The following JMJD1C variants were observed in gnomAD, a reference collection of about 807,000 sequenced individuals.
JMJD1C encodes the protein jumonji domain containing 1C, also known as jumonji domain-containing protein 1C.
Under a neutral mutation model 245.3 loss-of-function variants are expected in JMJD1C, and 31 were observed. The ratio of observed to expected loss-of-function variants is 0.13; its 90% CI spans 0.09 to 0.17. The LOEUF is 0.17. Among genes scored for constraint, JMJD1C ranks in the 10% least tolerant of loss-of-function variants. The probability of loss-of-function intolerance (pLI) is 1.00; values close to 1 mark genes in which losing one functional copy is unlikely to be tolerated. For missense variants in JMJD1C, 2,691 were observed against 3,000.2 expected, an observed-to-expected ratio of 0.90 and a Z score of 2.41; for synonymous variants, 1,057 against 1,017.4, an observed-to-expected ratio of 1.04 and a Z score of -0.74.
chr10:63,249,801 A>G (rs1852797783), intron 3 of JMJD1C, among the ~76,000 whole-genome samples: 2 of 152,042 alleles, frequency 1.3e-5, no homozygotes, highest in African/African-American at 4.8e-5. Context: ...CAGAGTTCGC[A>G]CTGGGCCAAG....
At chr10:63,272,395 G>A (rs1856414293) in intron 2 of JMJD1C, among the ~76,000 whole-genome samples, 1 of 152,010 alleles carries the variant, frequency 6.6e-6, no homozygotes, top group Admixed American at 6.6e-5. Context: ...GGGATTACAG[G>A]TGCACGCCAC....
chr10:63,269,125 C>T lies in JMJD1C; in HGVS notation c.334-4361G>A. 3 of 985,436 alleles carry T rather than the reference C, an allele frequency of 3.0e-6. No homozygotes were observed. The South Asian group carries it at 1.4e-4, about 46-fold the overall frequency. The allele number at this position is 985,436 out of a possible 1,614,324, so 61.0% of individuals were successfully genotyped here. ...AAGATACTCCAAATAAAGAGAACAG[C>T]CATCCATCAGCTGGAGAAAGCCTTT... is the stretch of plus-strand genomic sequence containing the variant. On this transcript the variant is annotated intron_variant, in intron 2 of 25. Coordinates refer to ENST00000399262, the MANE Select transcript of JMJD1C (RefSeq NM_032776.3).
chr10:63,204,834 C>G (rs1846409199), intron 10 of JMJD1C: 1 of 985,284 alleles, frequency 1.0e-6, no homozygotes, highest in Non-Finnish European at 1.2e-6. Flanking sequence ...TTTTCCTCTC[C>G]TTCACTTTGC....
intron 1 of JMJD1C, among the ~76,000 whole-genome samples, chr10:63,457,713 T>C (rs1952504144): frequency 6.6e-6 from 1 of 152,178 alleles, no homozygotes; most frequent in South Asian, 2.1e-4. Flanking sequence ...AATTTCGGGT[T>C]TTTACTTTGA....
Position 63,214,315 on chromosome 10 carries a change from G to C in JMJD1C, c.1852C>G (p.Pro618Ala). ...VMEDKLHKRS[P>A]PPETIKSKLN... ...TTAGATTTTATAGTCTCTGGAGGTG[G>C]ACTTCGCTTATGCAGCTTATCTTCC... Residue 618 changes from proline to alanine, a missense_variant, in exon 8 of 26, where the codon CCA becomes GCA. Physicochemically the swap from Pro to Ala is conservative, Grantham distance 27. Around this residue, in one of 9 missense-constraint regions of JMJD1C, gnomAD observed 1,562 missense variants for 1,490.7 expected, o/e 1.05. Transcript: ENST00000399262. 1.2e-6 allele frequency: 2 copies of C among 1,613,928 alleles called. No individual in the cohort carries two copies. The highest frequency in any genetic ancestry group is 2.2e-5 in the East Asian group (1 of 44,868).
intron 2 of JMJD1C, among the ~76,000 whole-genome samples, chr10:63,313,922 C>T (rs901253645): frequency 1.3e-5 from 2 of 152,194 alleles, no homozygotes; most frequent in Non-Finnish European, 2.9e-5. Flanking sequence ...CATGCAGAAG[C>T]TCTTTAAGTC....
intron 3 of JMJD1C, among the ~76,000 whole-genome samples, chr10:63,237,958 C>T (rs532969686): frequency 1.6e-5 from 2 of 121,338 alleles, no homozygotes; most frequent in African/African-American, 6.3e-5. Context: ...ATCACAAGGT[C>T]AAAACTTAGA....
chr10:63,230,091 A>C (rs1449657836), intron 3 of JMJD1C, among the ~76,000 whole-genome samples: 1 of 152,198 alleles, frequency 6.6e-6, no homozygotes, highest in Non-Finnish European at 1.5e-5. Context: ...AATGAAAATA[A>C]GCTGGGTGCA....
At chr10:63,234,408 T>C (rs1850405422) in intron 3 of JMJD1C, among the ~76,000 whole-genome samples, 1 of 147,780 alleles carries the variant, frequency 6.8e-6, no homozygotes. Flanking sequence ...GTGGGAGGAT[T>C]GCTTGAGCAT....
chr10:63,170,528 C>T (rs1589037862), intron 24 of JMJD1C, among the ~76,000 whole-genome samples: 1 of 152,318 alleles, frequency 6.6e-6, no homozygotes, highest in Non-Finnish European at 1.5e-5. Flanking sequence ...ACTGGTCAGC[C>T]AGTTACCTAA....
chr10:63,487,263 G>A (rs1466668942), intron 1 of JMJD1C, among the ~76,000 whole-genome samples: 1 of 152,190 alleles, frequency 6.6e-6, no homozygotes. Context: ...GATTTATAGT[G>A]ACAATGACCT....
intron 2 of JMJD1C, among the ~76,000 whole-genome samples, chr10:63,275,186 C>T (rs754729096): frequency 6.6e-6 from 1 of 152,186 alleles, no homozygotes; most frequent in Non-Finnish European, 1.5e-5. Context: ...AGGACCAGAA[C>T]TTGGATTTCC....
chr10:63,437,533 T>C (rs1344957468), intron 1 of JMJD1C, among the ~76,000 whole-genome samples: 1 of 152,210 alleles, frequency 6.6e-6, no homozygotes, highest in East Asian at 1.9e-4. Flanking sequence ...CTTAGTTGCA[T>C]CATCAACTTA....
intron 2 of JMJD1C, among the ~76,000 whole-genome samples, chr10:63,278,038 T>G (rs943398470): frequency 4.6e-5 from 7 of 151,312 alleles, no homozygotes; most frequent in African/African-American, 1.7e-4. Context: ...CAGCCTGCAT[T>G]TTAATAAAAA....
intron 5 of JMJD1C, 25 bp downstream of exon 5, chr10:63,217,182 T>C (rs575381631): frequency 1.3e-6 from 2 of 1,590,034 alleles, no homozygotes; most frequent in South Asian, 1.2e-5. Flanking sequence ...AAAATCTCTA[T>C]AAAAATATTA....
At chr10:63,236,714 T>G (rs1276149678) in intron 3 of JMJD1C, among the ~76,000 whole-genome samples, 2 of 152,124 alleles carry the variant, frequency 1.3e-5, no homozygotes, top group South Asian at 2.1e-4. Context: ...AACCCAAGCT[T>G]TAAGAAGTAA....
At chr10:63,346,426 C>T (rs533546231) in intron 2 of JMJD1C, among the ~76,000 whole-genome samples, 2 of 152,320 alleles carry the variant, frequency 1.3e-5, no homozygotes, top group South Asian at 4.1e-4. Context: ...TGAACTGCAA[C>T]CTAACTTATT....
chr10:63,426,771 T>C (rs552330542), intron 1 of JMJD1C, among the ~76,000 whole-genome samples: 74 of 152,348 alleles, frequency 4.9e-4, no homozygotes, highest in Middle Eastern at 6.8e-3. Context: ...TATGAAGTTT[T>C]TTCCTTTTCA....
intron 1 of JMJD1C, among the ~76,000 whole-genome samples, chr10:63,433,808 T>TG (rs1339673304): frequency 6.6e-6 from 1 of 150,932 alleles, no homozygotes; most frequent in African/African-American, 2.4e-5. Flanking sequence ...CTTGAACTCT[T>TG]GGCCTCAAGC....
Sources: allele counts gnomAD v4.1 joint callset (sites outside exome capture counted in the v4.1 genomes callset), GRCh38; gene constraint gnomAD v4.1.1; regional missense constraint gnomAD v4.1.1; transcripts MANE v1.5; gene names NCBI Gene and HGNC (gene_info 2026-07-23, HGNC 2026-07-21).